Variants in ADARB1 observed in about 807,000 individuals in gnomAD.
ADARB1 encodes the protein adenosine deaminase RNA specific B1.
Under a neutral mutation model 52.4 loss-of-function variants are expected in ADARB1, and 10 were observed. The ratio of observed to expected loss-of-function variants is 0.19; its 90% CI spans 0.12 to 0.32. The LOEUF (loss-of-function observed/expected upper bound fraction) is 0.32, where lower values mean the gene tolerates loss of function less well. Among genes scored for constraint, ADARB1 ranks in the 10% least tolerant of loss-of-function variants. ADARB1 has a pLI of 1.00. For missense variants in ADARB1, 643 were observed against 922.3 expected, an observed-to-expected ratio of 0.70 and a Z score of 3.92; for synonymous variants, 349 against 371.1, an observed-to-expected ratio of 0.94 and a Z score of 0.68.
chr21:45,178,495 C>T (rs1397994928), intron 4 of ADARB1, among the ~76,000 whole-genome samples: 1 of 152,230 alleles, frequency 6.6e-6, no homozygotes, highest in African/African-American at 2.4e-5. Context: ...TCTTTGGAGC[C>T]CCCAGGATAG....
intron 1 of ADARB1, among the ~76,000 whole-genome samples, chr21:45,109,376 G>A (rs2838785): frequency 6.6e-6 from 1 of 152,258 alleles, no homozygotes; most frequent in African/African-American, 2.4e-5. Flanking sequence ...GCACCACCGA[G>A]TTGTCATGAA....
chr21:45,191,532 T>A (rs2092281312), intron 8 of ADARB1, among the ~76,000 whole-genome samples: 3 of 152,176 alleles, frequency 2.0e-5, no homozygotes, highest in Admixed American at 2.0e-4. Context: ...TGTGTGTCTA[T>A]TTTTAATAAT....
intron 2 of ADARB1, among the ~76,000 whole-genome samples, chr21:45,148,685 G>A (rs2145932801): frequency 6.6e-6 from 1 of 152,256 alleles, no homozygotes; most frequent in East Asian, 1.9e-4. Flanking sequence ...CTGAAATCCT[G>A]GCTGCTCATG....
intron 1 of ADARB1, among the ~76,000 whole-genome samples, chr21:45,105,236 G>A (rs2087196715): frequency 6.6e-6 from 1 of 152,100 alleles, no homozygotes; most frequent in African/African-American, 2.4e-5. Flanking sequence ...AAGTAGCTGG[G>A]ATTACAGGTG....
intron 2 of ADARB1, chr21:45,132,452 C>T (rs146458321): frequency 1.3e-5 from 2 of 152,352 alleles, no homozygotes; most frequent in African/African-American, 4.8e-5. Flanking sequence ...AATGTATCCA[C>T]ACCAGGTTTT....
intron 1 of ADARB1, among the ~76,000 whole-genome samples, chr21:45,097,347 C>G (rs1031444311): frequency 6.6e-6 from 1 of 152,126 alleles, no homozygotes; most frequent in Admixed American, 6.5e-5. Flanking sequence ...GATTGGTGCT[C>G]ACTCCCAATT....
Position 45,157,129 on chromosome 21 carries a change from ACT to A in ADARB1, c.-47-14478_-47-14477del, listed in dbSNP as rs376624928. On this transcript the variant is annotated intron_variant, in intron 2 of 10. Transcript: ENST00000348831. The surrounding 1 kb of genome is among the most constrained non-coding windows in gnomAD (Gnocchi z 4.1). ...TGATGGGCCTCGCAGCACAAGAAAG[ACT>A]CTGCTGCCTGGGCAGGAGCTCCTCT... Among the ~76,000 whole-genome samples the A allele has an allele frequency of 0.01, 1,524 of 152,206 alleles. 19 individuals carry two copies. The highest frequency in any genetic ancestry group is 0.035 in the African/African-American group (1,439 of 41,512).
chr21:45,180,537 G>A (rs754035118), intron 5 of ADARB1, 93 bp downstream of exon 5: 4 of 994,258 alleles, frequency 4.0e-6, no homozygotes, highest in Admixed American at 2.0e-5. Context: ...GTGCCACACC[G>A]ACGGGAGATG....
At chr21:45,136,513 C>A (rs1022177051) in intron 2 of ADARB1, among the ~76,000 whole-genome samples, 4 of 152,230 alleles carry the variant, frequency 2.6e-5, no homozygotes, top group Admixed American at 2.0e-4. Flanking sequence ...TGTTTCAGAA[C>A]CTGTAGCAGC....
chr21:45,187,916 C>A (rs1392338012), intron 8 of ADARB1, among the ~76,000 whole-genome samples: 1 of 152,094 alleles, frequency 6.6e-6, no homozygotes. Context: ...ATTTTTGCAT[C>A]AGTAGTCATC....
chr21:45,134,854 TG>T (rs1476881856), intron 2 of ADARB1: 1 of 533,434 alleles, frequency 1.9e-6, no homozygotes, highest in East Asian at 5.5e-5. Context: ...ATGGCATTTG[TG>T]GTCAGGGGCA....
chr21:45,086,134 T>G (rs368204519), intron 1 of ADARB1, among the ~76,000 whole-genome samples: 108 of 152,310 alleles, frequency 7.1e-4, no homozygotes, highest in African/African-American at 2.4e-3. Flanking sequence ...GCGGTGCTGT[T>G]GGACAGAAGA....
chr21:45,197,184 A>G (rs1361388073), intron 8 of ADARB1, among the ~76,000 whole-genome samples: 2 of 151,938 alleles, frequency 1.3e-5, no homozygotes, highest in Non-Finnish European at 2.9e-5. Context: ...AACAAAACAA[A>G]GAGAGTTTGA....
intron 8 of ADARB1, among the ~76,000 whole-genome samples, chr21:45,186,432 T>TG (rs369005535): frequency 5.1e-4 from 77 of 152,336 alleles, no homozygotes; most frequent in African/African-American, 1.7e-3. Flanking sequence ...TAGAGTTTCT[T>TG]GGGGCATATA....
chr21:45,165,018 C>CT (rs939472930), intron 2 of ADARB1, among the ~76,000 whole-genome samples: 6 of 152,164 alleles, frequency 3.9e-5, no homozygotes, highest in African/African-American at 7.2e-5. Context: ...AGGAGTTGGC[C>CT]TTTGTCAAAG....
In ADARB1 at chr21:45,176,187, C is replaced by T. The variant is rs148155796; in HGVS notation, c.486C>T (p.Asn162=). The T allele has an allele frequency of 1.1e-3, 1,805 of 1,614,234 alleles. No individual in the cohort carries two copies. The highest frequency in any genetic ancestry group is 1.4e-3 in the Non-Finnish European group (1,684 of 1,180,044). The stretch of plus-strand genomic sequence containing the variant: ...CCATGGGGAGGACCCTGTCTGTCAA[C>T]ACGGACTTCACATCTGACCAGGCCG... ...HLAMGRTLSV[N]TDFTSDQADF... is the part of the protein sequence containing the mutation. Residue 162 remains asparagine (N), a synonymous_variant, in exon 4 of 11, where the codon AAC becomes AAT. Transcript: ENST00000348831. The surrounding 1 kb of genome is among the most constrained non-coding windows in gnomAD (Gnocchi z 5.8).
intron 1 of ADARB1, among the ~76,000 whole-genome samples, chr21:45,114,203 C>T (rs1241360206): frequency 1.3e-5 from 2 of 152,168 alleles, no homozygotes; most frequent in Non-Finnish European, 2.9e-5. Flanking sequence ...GGCTTACCAG[C>T]TTTTAGATGG....
At chr21:45,146,878 T>C (rs568213446) in intron 2 of ADARB1, among the ~76,000 whole-genome samples, 2 of 152,326 alleles carry the variant, frequency 1.3e-5, no homozygotes, top group African/African-American at 4.8e-5. Flanking sequence ...TGTTAAGTGC[T>C]TTCTTCTGGG....
At chr21:45,155,778 TCCACCCAC>T (rs59337202) in intron 2 of ADARB1, among the ~76,000 whole-genome samples, 1 of 79,648 alleles carries the variant, frequency 1.3e-5, no homozygotes, top group Non-Finnish European at 2.3e-5. Flanking sequence ...CATCCATCCA[TCCACCCAC>T]CCACCCACCC....
Sources: allele counts gnomAD v4.1 joint callset (sites outside exome capture counted in the v4.1 genomes callset), GRCh38; gene constraint gnomAD v4.1.1; non-coding constraint Gnocchi (gnomAD v3.1); transcripts MANE v1.5; gene names NCBI Gene and HGNC (gene_info 2026-07-23, HGNC 2026-07-21).